The following MOB1B variants were observed in gnomAD, a reference collection of about 807,000 sequenced individuals.
MOB1B encodes MOB kinase activator 1B, also known as MOB1 Mps One Binder homolog B.
In MOB1B, 19 loss-of-function variants were observed where a neutral mutation model predicts 24.4. That is an observed-to-expected ratio of 0.78 (90% CI 0.54 to 1.14). The LOEUF (loss-of-function observed/expected upper bound fraction) is 1.14, where lower values mean the gene tolerates loss of function less well. Ranked by LOEUF, MOB1B falls within the 50% of genes most tolerant of loss-of-function variation. The probability of loss-of-function intolerance (pLI) is 0.00; values close to 1 mark genes in which losing one functional copy is unlikely to be tolerated. For missense variants in MOB1B, 243 were observed against 259.6 expected (o/e 0.94, Z 0.44); for synonymous variants, 76 against 82.1 (o/e 0.93, Z 0.40).
chr4:70,973,944 C>A (rs774834587), intron 3 of MOB1B, among the ~76,000 whole-genome samples: 41 of 152,300 alleles, frequency 2.7e-4, no homozygotes, highest in Middle Eastern at 3.4e-3. Context: ...TATATATTGT[C>A]ATCTCCTTTC....
chr4:70,917,413 A>G (rs1035993806), intron 1 of MOB1B, among the ~76,000 whole-genome samples: 2 of 152,230 alleles, frequency 1.3e-5, no homozygotes, highest in African/African-American at 2.4e-5. Flanking sequence ...GAACTTGGGG[A>G]AAAACTGTTC....
At chr4:70,902,623 G>T in intron 1 of MOB1B, 73 bp downstream of exon 1, 2 of 1,162,060 alleles carry the variant, frequency 1.7e-6, no homozygotes, top group Non-Finnish European at 2.3e-6. Flanking sequence ...CCCGCCGCCC[G>T]TCGCCCGCCC....
At chr4:70,933,938 A>G (rs1003393501) in intron 1 of MOB1B, among the ~76,000 whole-genome samples, 14 of 152,068 alleles carry the variant, frequency 9.2e-5, no homozygotes, top group African/African-American at 3.4e-4. Flanking sequence ...TGTAATCCCA[A>G]CACTTTCTGA....
At chr4:70,943,611 C>T (rs1186193474) in intron 1 of MOB1B, among the ~76,000 whole-genome samples, 1 of 151,826 alleles carries the variant, frequency 6.6e-6, no homozygotes, top group East Asian at 1.9e-4. Flanking sequence ...GAAAAAATAC[C>T]CAAGTGAATA....
chr4:70,958,826 T>C, intron 1 of MOB1B, 48 bp from the exon 2 acceptor site: 2 of 1,492,176 alleles, frequency 1.3e-6, no homozygotes, highest in Non-Finnish European at 1.9e-6. Flanking sequence ...CTCTATTGAA[T>C]GTCATGCCTT....
intron 1 of MOB1B, among the ~76,000 whole-genome samples, chr4:70,919,422 A>G (rs1356012386): frequency 6.6e-6 from 1 of 152,206 alleles, no homozygotes; most frequent in Non-Finnish European, 1.5e-5. Context: ...TTAAAGAAGT[A>G]AAAACCTTTT....
At chr4:70,918,215 TGGCTG>T (rs779857125) in intron 1 of MOB1B, among the ~76,000 whole-genome samples, 71 of 152,292 alleles carry the variant, frequency 4.7e-4, no homozygotes, top group Non-Finnish European at 9.1e-4. Context: ...AATTTTGGGA[TGGCTG>T]GGTCAAATGG....
chr4:70,967,275 G>A (rs1008137008), intron 2 of MOB1B, among the ~76,000 whole-genome samples: 2 of 152,132 alleles, frequency 1.3e-5, no homozygotes, highest in Admixed American at 6.5e-5. Flanking sequence ...CTGGGACTAC[G>A]GGCGCATGCT....
intron 1 of MOB1B, among the ~76,000 whole-genome samples, chr4:70,951,617 G>A (rs1053522180): frequency 6.6e-6 from 1 of 152,226 alleles, no homozygotes; most frequent in African/African-American, 2.4e-5. Flanking sequence ...TTCCATAGTG[G>A]CTGAGCATGG....
chr4:70,931,983 G>A (rs1293717464), intron 1 of MOB1B, among the ~76,000 whole-genome samples: 1 of 152,072 alleles, frequency 6.6e-6, no homozygotes, highest in Admixed American at 6.6e-5. Flanking sequence ...TCCCACTTCG[G>A]CCTTCCAAAC....
At chr4:70,921,499 C>T (rs865914282) in intron 1 of MOB1B, among the ~76,000 whole-genome samples, 33 of 118,978 alleles carry the variant, frequency 2.8e-4, no homozygotes, top group African/African-American at 1.0e-3. Flanking sequence ...CCCCTCCCCT[C>T]CCCTCCCCTC....
chr4:70,929,155 C>T (rs1389187151), intron 1 of MOB1B, among the ~76,000 whole-genome samples: 1 of 148,168 alleles, frequency 6.7e-6, no homozygotes, highest in African/African-American at 2.5e-5. Context: ...CCCTGTATTT[C>T]TTTTCTTCTT....
chr4:70,933,114 A>T (rs1460507050), intron 1 of MOB1B, among the ~76,000 whole-genome samples: 1 of 152,048 alleles, frequency 6.6e-6, no homozygotes, highest in African/African-American at 2.4e-5. Context: ...AGAAGGGGGA[A>T]AGGGAAGCAA....
At position 70,986,084 on chromosome 4, in the gene MOB1B, A is replaced by G. The variant is rs191061009; in HGVS notation, c.*4027A>G. The G allele has an allele frequency of 5.9e-4, 90 of 152,334 alleles. 1 individual carries two copies. In the East Asian group the frequency reaches 0.016, roughly 28 times the overall value. 9.4% of individuals were successfully genotyped at this position (152,334 alleles called of 1,614,324 possible). On this transcript the variant is annotated 3_prime_UTR_variant, in exon 6 of 6. Coordinates refer to ENST00000309395, the MANE Select transcript of MOB1B (RefSeq NM_173468.4). ...CTTACCTTAATTACCTTAGTTAGAT[A>G]TACTAATGGAAAAAAACCAAGTCCT... is the stretch of plus-strand genomic sequence containing the variant.
intron 1 of MOB1B, among the ~76,000 whole-genome samples, chr4:70,957,475 C>T (rs72646425): frequency 0.04 from 6,046 of 151,362 alleles, 241 homozygotes; most frequent in Non-Finnish European, 0.045. Context: ...ATTCTGTTGC[C>T]CAGGCTGGAG....
At chr4:70,916,985 T>G (rs1038730965) in intron 1 of MOB1B, among the ~76,000 whole-genome samples, 4 of 152,230 alleles carry the variant, frequency 2.6e-5, no homozygotes, top group Admixed American at 6.5e-5. Context: ...ACAGGAGAAT[T>G]TAAAGTCTGT....
intron 1 of MOB1B, among the ~76,000 whole-genome samples, chr4:70,941,338 T>C (rs1386040524): frequency 6.6e-6 from 1 of 152,178 alleles, no homozygotes; most frequent in Non-Finnish European, 1.5e-5. Context: ...AAATTTGTTT[T>C]ATTTTATTTA....
intron 1 of MOB1B, among the ~76,000 whole-genome samples, chr4:70,919,891 T>C (rs1307071603): frequency 6.6e-6 from 1 of 152,224 alleles, no homozygotes; most frequent in African/African-American, 2.4e-5. Context: ...TTATGTTCAA[T>C]AAGGTTTGAT....
intron 1 of MOB1B, among the ~76,000 whole-genome samples, chr4:70,903,159 G>A (rs537013971): frequency 3.3e-5 from 5 of 152,124 alleles, no homozygotes; most frequent in Non-Finnish European, 7.4e-5. Context: ...GTCTGGAGCC[G>A]CCCCCTTGCT....
Sources: gnomAD v4.1 joint callset for allele counts (sites outside exome capture counted in the v4.1 genomes callset) on GRCh38, gnomAD v4.1.1 for gene constraint, MANE v1.5 for transcripts, NCBI Gene and HGNC (gene_info 2026-07-23, HGNC 2026-07-21) for gene names.